DENND4A: variants seen among roughly 807,000 people sequenced by gnomAD.
DENND4A encodes DENN domain containing 4A, also known as C-myc promoter-binding protein.
In DENND4A, 70 loss-of-function variants were observed where a neutral mutation model predicts 199.3. That is an observed-to-expected ratio of 0.35 (90% CI 0.29 to 0.43). The LOEUF is 0.43. Among genes scored for constraint, DENND4A ranks in the 20% least tolerant of loss-of-function variants. The probability of loss-of-function intolerance (pLI) is 1.00; values close to 1 mark genes in which losing one functional copy is unlikely to be tolerated. For synonymous variants in DENND4A, 686 were observed against 766.9 expected (o/e 0.89, Z 1.74); for missense variants, 1,723 against 2,255.8 (o/e 0.76, Z 4.78).
At position 65,701,879 on chromosome 15, in the gene DENND4A, G is replaced by A. The variant is rs368001036; in HGVS notation, c.2442C>T (p.Arg814=). ...KMDPPDEVCY[R]ILMQLCGQYD... ...ATTGTCCACAGAGTTGCATAAGAAT[G>A]CGGTAGCATACCTGAAATACAAGTT... The change falls in exon 18 of 33, where the codon CGC becomes CGT. Residue 814 remains arginine (R), a synonymous_variant. Transcript: ENST00000443035. 8.9e-5 allele frequency: 144 copies of A among 1,613,674 alleles called. No homozygotes were observed. The highest frequency in any genetic ancestry group is 6.6e-4 in the Middle Eastern group (4 of 6,084).
At chr15:65,715,310 G>A (rs2075365812) in intron 14 of DENND4A, 168 bp downstream of exon 14, 1 of 561,258 alleles carries the variant, frequency 1.8e-6, no homozygotes, top group South Asian at 2.7e-5. Context: ...TGTAAGAGGT[G>A]CATTCTATAA....
At chr15:65,789,372 A>G (rs1214104556) in intron 1 of DENND4A, among the ~76,000 whole-genome samples, 1 of 152,092 alleles carries the variant, frequency 6.6e-6, no homozygotes, top group African/African-American at 2.4e-5. Flanking sequence ...TTAAAAGTAC[A>G]TTTCTACATT....
At chr15:65,695,557 C>CA (rs995958068) in intron 22 of DENND4A, among the ~76,000 whole-genome samples, 2 of 151,920 alleles carry the variant, frequency 1.3e-5, no homozygotes, top group African/African-American at 4.8e-5. Context: ...AACTGTGTTG[C>CA]AAAAAAACCA....
chr15:65,782,199 T>G (rs2140973063), intron 1 of DENND4A, among the ~76,000 whole-genome samples: 1 of 152,318 alleles, frequency 6.6e-6, no homozygotes. Flanking sequence ...GTTTTCACCC[T>G]TGTTCACTAC....
intron 17 of DENND4A, 61 bp downstream of exon 17, chr15:65,702,244 G>A: frequency 3.0e-6 from 4 of 1,346,978 alleles, no homozygotes; most frequent in South Asian, 2.5e-5. Context: ...ACTCCAGCCT[G>A]GGTGACAGAG....
At chr15:65,689,591 A>G (rs2076903814) in intron 23 of DENND4A, among the ~76,000 whole-genome samples, 2 of 152,208 alleles carry the variant, frequency 1.3e-5, no homozygotes, top group Non-Finnish European at 2.9e-5. Flanking sequence ...CTCTGTAAGT[A>G]TTCCAACTGA....
At chr15:65,762,038 G>A (rs530485840) in intron 1 of DENND4A, among the ~76,000 whole-genome samples, 2 of 152,154 alleles carry the variant, frequency 1.3e-5, no homozygotes, top group Admixed American at 6.5e-5. Context: ...CAAGAGTTTC[G>A]CTCTTGTTGC....
At chr15:65,746,974 C>T (rs1408973376) in intron 4 of DENND4A, among the ~76,000 whole-genome samples, 3 of 150,328 alleles carry the variant, frequency 2.0e-5, no homozygotes, top group Non-Finnish European at 4.4e-5. Context: ...GGCGTGGTGG[C>T]GCATGCCTGT....
chr15:65,721,541 G>A (rs2075644879), intron 12 of DENND4A, among the ~76,000 whole-genome samples: 1 of 148,376 alleles, frequency 6.7e-6, no homozygotes, highest in Non-Finnish European at 1.5e-5. Context: ...AGAGCATGGT[G>A]ATAAAGCATT....
Position 65,729,634 on chromosome 15 carries a change from T to G in DENND4A, c.1211A>C (p.Asn404Thr). Residue 404 changes from asparagine to threonine, a missense_variant, in exon 10 of 33, where the codon AAT becomes ACT. By Grantham distance (65) the Asn-to-Thr change is moderately conservative. Around this residue, in one of 6 missense-constraint regions of DENND4A, gnomAD observed 725 missense variants for 952.9 expected, o/e 0.76. Transcript: ENST00000443035. ...TGCAAACACCAGTAGTGTCACAGCA[T>G]TTTCAGGGCCTAAATTCTGCAGTAG... is the stretch of plus-strand genomic sequence containing the variant. ...STLLQNLGPE[N>T]AVTLLVFAVT... 6.4e-7 allele frequency: 1 copy of G among 1,567,974 alleles called. No homozygotes were observed. Among genetic ancestry groups the G allele is most frequent in the Non-Finnish European group, 8.7e-7 (1 of 1,155,280 alleles).
intron 1 of DENND4A, among the ~76,000 whole-genome samples, chr15:65,762,877 G>A (rs9920201): frequency 0.2 from 30,087 of 151,964 alleles, 4,004 homozygotes; most frequent in East Asian, 0.73. Context: ...CTAATCCATG[G>A]AGGATACCAA....
intron 1 of DENND4A, among the ~76,000 whole-genome samples, chr15:65,789,722 T>C (rs933808139): frequency 6.6e-6 from 1 of 152,236 alleles, no homozygotes; most frequent in Non-Finnish European, 1.5e-5. Context: ...GTTTATTATA[T>C]ACCAAACAAC....
chr15:65,689,613 C>T (rs1292965440), intron 23 of DENND4A, among the ~76,000 whole-genome samples: 2 of 152,192 alleles, frequency 1.3e-5, no homozygotes, highest in African/African-American at 2.4e-5. Context: ...GCCCTCCTCC[C>T]TCTGGCAGCT....
rs373604065 is a variant in DENND4A, at chr15:65,769,659, TTTTG to T, written c.-101-8225_-101-8222del. Among the ~76,000 whole-genome samples, 1,116 of 152,328 alleles carry T rather than the reference TTTTG, an allele frequency of 7.3e-3. 14 individuals carry two copies. Among genetic ancestry groups the T allele is most frequent in the South Asian group, 0.041 (196 of 4,830 alleles). ...CAGAAATATGCTGAGTTTGCTTATC[TTTTG>T]TTTATTTTATGGTTTGGTATTGATT... is the stretch of plus-strand genomic sequence containing the variant. On this transcript the variant is annotated intron_variant, in intron 1 of 32. Coordinates refer to ENST00000443035, the MANE Select transcript of DENND4A (RefSeq NM_001320835.1).
At chr15:65,791,407 T>C (rs2077717932) in intron 1 of DENND4A, among the ~76,000 whole-genome samples, 1 of 148,398 alleles carries the variant, frequency 6.7e-6, no homozygotes, top group African/African-American at 2.5e-5. Context: ...CAGAAAACAA[T>C]AAACTTCAAA....
In DENND4A at chr15:65,752,507, G is replaced by T; in HGVS notation, c.433C>A (p.Arg145=). ...TSSQRIYITY[R]RASENMTQNT... ...TGAGTCATGTTTTCAGAGGCTCTTCGGTAAGTGATATAAATTCTTTGTGAT... is the reference window on the plus strand; with the variant it reads ...TGAGTCATGTTTTCAGAGGCTCTTCTGTAAGTGATATAAATTCTTTGTGAT... Residue 145 remains arginine, a synonymous_variant, in exon 4 of 33, where the codon CGA becomes AGA. Transcript: ENST00000443035. 6.2e-7 allele frequency: 1 copy of T among 1,613,416 alleles called. No homozygotes were observed.
intron 1 of DENND4A, among the ~76,000 whole-genome samples, chr15:65,781,573 G>A (rs2077437466): frequency 6.6e-6 from 1 of 152,174 alleles, no homozygotes; most frequent in Admixed American, 6.6e-5. Flanking sequence ...GGAGATGGAA[G>A]AAATCATGAA....
chr15:65,670,059 A>G lies in DENND4A; in HGVS notation c.4594T>C (p.Leu1532=). The G allele has an allele frequency of 2.5e-6, 4 of 1,602,436 alleles. No homozygotes were observed. Among genetic ancestry groups the G allele is most frequent in the Non-Finnish European group, 3.4e-6 (4 of 1,173,988 alleles). Residue 1532 remains leucine, a synonymous_variant, in exon 26 of 33, where the codon TTA becomes CTA. Transcript: ENST00000443035. ...TTCPFCGNIF[L]PFLNIEIRDL... ...CTTATTTCTATATTCAGAAAGGGTA[A>G]GAAGATATTGCCACAGAATGGGCAT...
In DENND4A at chr15:65,716,732, A is replaced by G. The variant is rs534413010; in HGVS notation, c.1807+1046T>C. On this transcript the variant is annotated intron_variant, in intron 13 of 32. Transcript: ENST00000443035. Reference sequence around the variant, plus strand: ...CGTGTGCATGTGTCTTTATAGCAGCATGATTTATAGTCCTTTGGGTATATA... The same window carrying G: ...CGTGTGCATGTGTCTTTATAGCAGCGTGATTTATAGTCCTTTGGGTATATA... Among the ~76,000 whole-genome samples the G allele has an allele frequency of 3.3e-5, 5 of 151,876 alleles. No homozygotes were observed. In the East Asian group the frequency reaches 7.7e-4, roughly 24 times the overall value.
Sources: gnomAD v4.1 joint callset for allele counts (sites outside exome capture counted in the v4.1 genomes callset) on GRCh38, gnomAD v4.1.1 for gene constraint, gnomAD v4.1.1 regional missense constraint, MANE v1.5 for transcripts, NCBI Gene and HGNC (gene_info 2026-07-23, HGNC 2026-07-21) for gene names.